PRSS41: variants seen among roughly 807,000 people sequenced by gnomAD.
PRSS41 encodes serine protease 41.
Under a neutral mutation model 28.8 loss-of-function variants are expected in PRSS41, and 37 were observed. That is an observed-to-expected ratio of 1.29 (90% CI 0.99 to 1.69). The LOEUF is 1.69. Among genes scored for constraint, PRSS41 ranks in the 40% most tolerant of loss-of-function variants. PRSS41 has a pLI of 0.00. For synonymous variants in PRSS41, 195 were observed against 163.1 expected, an observed-to-expected ratio of 1.20 and a Z score of -1.49; for missense variants, 431 against 400.7, an observed-to-expected ratio of 1.08 and a Z score of -0.65.
intron 4 of PRSS41, among the ~76,000 whole-genome samples, chr16:2,802,596 A>G (rs1299190876): frequency 1.3e-5 from 2 of 152,238 alleles, no homozygotes; most frequent in Admixed American, 6.5e-5. Flanking sequence ...GGCACCATTG[A>G]GCACTGAGTG....
intron 2 of PRSS41, 75 bp downstream of exon 2, chr16:2,798,737 T>C: frequency 7.5e-7 from 1 of 1,331,390 alleles, no homozygotes; most frequent in Non-Finnish European, 9.8e-7. Flanking sequence ...TACTGCTCTC[T>C]GTTCCAGGTC....
chr16:2,805,004 A>T, exon 6 of PRSS41: 1 of 1,575,830 alleles, frequency 6.3e-7, no homozygotes. Flanking sequence ...CGGTCAACCC[A>T]ATCGGCCTGG....
chr16:2,805,080 G>A (rs1420486153), exon 6 of PRSS41: 1 of 1,551,834 alleles, frequency 6.4e-7, no homozygotes, highest in African/African-American at 1.4e-5. Context: ...AGTACACCCA[G>A]GCCAAACCCC....
At chr16:2,804,253 T>C in intron 4 of PRSS41, 136 bp from the exon 5 acceptor site, 1 of 851,064 alleles carries the variant, frequency 1.2e-6, no homozygotes, top group Non-Finnish European at 1.8e-6. Context: ...TGCTGGGGAG[T>C]CAAGAGCAAT....
At chr16:2,802,009 G>A (rs1239754701) in intron 4 of PRSS41, among the ~76,000 whole-genome samples, 5 of 138,644 alleles carry the variant, frequency 3.6e-5, no homozygotes, top group South Asian at 2.2e-4. Flanking sequence ...GCGGCTGGCC[G>A]GGCGTGGGGC....
intron 5 of PRSS41, 95 bp downstream of exon 5, chr16:2,804,641 C>T: frequency 8.2e-7 from 1 of 1,213,442 alleles, no homozygotes; most frequent in Non-Finnish European, 1.2e-6. Flanking sequence ...CAACCCATTG[C>T]TTAGATTTCT....
rs1001968148 is a variant in PRSS41, at chr16:2,804,562, C to G, written c.699+16C>G. 5.2e-6 allele frequency: 8 copies of G among 1,549,018 alleles called. No homozygotes were observed. The highest frequency in any genetic ancestry group is 6.1e-6 in the Non-Finnish European group (7 of 1,146,538). On this transcript the variant is annotated intron_variant, in intron 5 of 5. Transcript: ENST00000399677. ...CACCTGCAAAGTGAGTGCCTCTACC[C>G]CACCAGGGAATCCCACCCTCTCCAG...
Position 2,799,211 on chromosome 16 carries a change from G to A in PRSS41, c.258-75G>A, listed in dbSNP as rs1336994938. ...TAGCCACCCAGCAGCTTGGCCTCAG[G>A]GACTGGGCCTCCAGCGTGCTCAGGC... is the stretch of plus-strand genomic sequence containing the variant. On this transcript the variant is annotated intron_variant, in intron 3 of 5. Transcript: ENST00000399677. 12 of 1,520,310 alleles carry A rather than the reference G, an allele frequency of 7.9e-6. No individual in the cohort carries two copies. The African/African-American group carries it at 1.4e-4, about 17-fold the overall frequency. The allele number at this position is 1,520,310 out of a possible 1,614,324, so 94.2% of individuals were successfully genotyped here.
chr16:2,804,408 C>A lies in PRSS41; in HGVS notation c.561C>A (p.Tyr187Ter). The change falls in exon 5 of 6, where the codon TAC (tyrosine) becomes TAA (stop). Residue 187 changes from tyrosine to a stop codon, truncating the protein, a stop_gained. Transcript: ENST00000399677. LOFTEE classifies it high-confidence loss of function. ...CTCCAGCACCTCTGCCACCTCCTTA[C>A]AACCTCCGGGAAGCACAGGTCACCA... 1 of 1,551,644 alleles carries A rather than the reference C, an allele frequency of 6.4e-7. No individual in the cohort carries two copies. Among genetic ancestry groups the A allele is most frequent in the Non-Finnish European group, 8.7e-7 (1 of 1,146,998 alleles).
At chr16:2,798,919 C>A (rs1182224435) in intron 2 of PRSS41, 40 bp from the exon 3 acceptor site, 1 of 1,499,208 alleles carries the variant, frequency 6.7e-7, no homozygotes, top group Non-Finnish European at 8.9e-7. Context: ...CCCACCCCAC[C>A]CCACCCGGCA....
intron 4 of PRSS41, 119 bp downstream of exon 4, chr16:2,799,688 G>A (rs1017103580): frequency 1.4e-5 from 15 of 1,034,836 alleles, no homozygotes; most frequent in Admixed American, 1.1e-4. Context: ...TGCAACCTGC[G>A]CCCCTCCTGC....
At chr16:2,799,471 C>G (rs1337879585) in exon 4 of PRSS41, 1 of 1,552,220 alleles carries the variant, frequency 6.4e-7, no homozygotes, top group Admixed American at 2.0e-5. Flanking sequence ...ACCTACAATG[C>G]GTACATCCAG....
At chr16:2,801,336 AT>A (rs777421981) in intron 4 of PRSS41, among the ~76,000 whole-genome samples, 131 of 138,842 alleles carry the variant, frequency 9.4e-4, no homozygotes, top group South Asian at 4.6e-3. Flanking sequence ...TTGGACTCTT[AT>A]TTTTTTTTTT....
At chr16:2,805,121 T>C in exon 6 of PRSS41, 1 of 1,550,664 alleles carries the variant, frequency 6.4e-7, no homozygotes, top group African/African-American at 1.4e-5. Context: ...TGCCCTGCTG[T>C]GGGCTCCCTG....
chr16:2,799,466 C>T (rs2068971864), exon 4 of PRSS41: 3 of 1,552,232 alleles, frequency 1.9e-6, no homozygotes, highest in African/African-American at 2.7e-5. Context: ...CTGTCACCTA[C>T]AATGCGTACA....
exon 5 of PRSS41, chr16:2,804,415 C>T (rs572883608): frequency 9.4e-5 from 146 of 1,551,600 alleles, no homozygotes; most frequent in Middle Eastern, 5.0e-4. Flanking sequence ...TTACAACCTC[C>T]GGGAAGCACA....
chr16:2,798,924 C>T (rs778625757), intron 2 of PRSS41, 35 bp from the exon 3 acceptor site: 4 of 1,513,886 alleles, frequency 2.6e-6, no homozygotes, highest in Non-Finnish European at 8.8e-7. Flanking sequence ...CCCACCCCAC[C>T]CGGCAGCTCA....
At chr16:2,801,382 T>G (rs1184470399) in intron 4 of PRSS41, among the ~76,000 whole-genome samples, 1 of 151,016 alleles carries the variant, frequency 6.6e-6, no homozygotes, top group Non-Finnish European at 1.5e-5. Context: ...TGGGTGTTTC[T>G]CACAGAGGGG....
rs116937567 is a variant in PRSS41, at chr16:2,799,255, A to G, written c.258-31A>G. On this transcript the variant is annotated intron_variant, in intron 3 of 5. Coordinates refer to ENST00000399677, the Ensembl canonical transcript of PRSS41. ...CTCAGGCGGCCAGCCCCCTATTCCA[A>G]GGCTCCCCGCCCTCTCTCCTTTTCT... The G allele has an allele frequency of 7.3e-3, 11,274 of 1,547,384 alleles. 460 individuals are homozygous for G. The Admixed American group carries it at 0.094, about 13-fold the overall frequency.
Sources: allele counts gnomAD v4.1 joint callset (sites outside exome capture counted in the v4.1 genomes callset), GRCh38; gene constraint gnomAD v4.1.1; transcripts MANE v1.5; gene names NCBI Gene and HGNC (gene_info 2026-07-23, HGNC 2026-07-21).